The following ADAT2 variants were observed in gnomAD, a reference collection of about 807,000 sequenced individuals.
ADAT2 encodes the protein tRNA-specific adenosine-34 deaminase catalytic subunit ADAT2.
ADAT2 carries 26 observed loss-of-function variants against 25.9 expected under a neutral mutation model. The observed-to-expected ratio is 1.00, with a 90% CI of 0.74 to 1.39. The LOEUF is 1.39. ADAT2 is among the 40% of genes most tolerant of loss of function. The pLI is 0.00. For missense variants in ADAT2, 220 were observed against 244.8 expected, an observed-to-expected ratio of 0.90 and a Z score of 0.68; for synonymous variants, 76 against 86.8, an observed-to-expected ratio of 0.88 and a Z score of 0.69.
At chr6:143,441,822 G>A (rs931252108) in intron 1 of ADAT2, 1 of 152,312 alleles carries the variant, frequency 6.6e-6, no homozygotes, top group East Asian at 1.9e-4. Flanking sequence ...TTAGCCGGTA[G>A]AGAAATGTCA....
intron 3 of ADAT2, among the ~76,000 whole-genome samples, 169 bp downstream of exon 3, chr6:143,433,662 T>C (rs1360370386): frequency 1.3e-5 from 2 of 150,152 alleles, no homozygotes; most frequent in East Asian, 1.9e-4. Context: ...AAGAAATAGG[T>C]CATTTTACTA....
intron 4 of ADAT2, among the ~76,000 whole-genome samples, chr6:143,431,135 C>G (rs1475991894): frequency 1.3e-5 from 2 of 152,180 alleles, no homozygotes; most frequent in Non-Finnish European, 2.9e-5. Context: ...TTAAAAAAAC[C>G]ATAATTTGGC....
At position 143,428,978 on chromosome 6, in the gene ADAT2, T is replaced by A. The variant is rs1779026212; in HGVS notation, c.460-294A>T. Among the ~76,000 whole-genome samples, 2 of 152,194 alleles carry A rather than the reference T, an allele frequency of 1.3e-5. No individual in the cohort carries two copies. Among genetic ancestry groups the A allele is most frequent in the African/African-American group, 4.8e-5 (2 of 41,436 alleles). On this transcript the variant is annotated intron_variant, in intron 4 of 5. Coordinates refer to ENST00000237283, the MANE Select transcript of ADAT2 (RefSeq NM_182503.3). The surrounding 1 kb of genome is among the most constrained non-coding windows in gnomAD (Gnocchi z 5.0). Reference sequence around the variant, plus strand: ...GATCTTGGGTTAGGCACTTAAACTCTCCATGCCTTATTTATACAATGCTGG... The same window carrying A: ...GATCTTGGGTTAGGCACTTAAACTCACCATGCCTTATTTATACAATGCTGG...
At chr6:143,438,117 T>C (rs1488204338) in intron 2 of ADAT2, among the ~76,000 whole-genome samples, 1 of 152,190 alleles carries the variant, frequency 6.6e-6, no homozygotes, top group Non-Finnish European at 1.5e-5. Flanking sequence ...AAGCTATACA[T>C]TGAGGATACT....
chr6:143,432,403 T>C lies in ADAT2; in HGVS notation c.459+102A>G, dbSNP rs1779141349. Reference sequence around the variant, plus strand: ...CTGAGATCAAAGATGTCTGATTCTATCATCGTTTCTTCGTATACTGGCCAC... The same window carrying C: ...CTGAGATCAAAGATGTCTGATTCTACCATCGTTTCTTCGTATACTGGCCAC... On this transcript the variant is annotated intron_variant, in intron 4 of 5. Transcript: ENST00000237283. The surrounding 1 kb of genome is among the most constrained non-coding windows in gnomAD (Gnocchi z 4.4). 2 of 1,053,312 alleles carry C rather than the reference T, an allele frequency of 1.9e-6. No homozygotes were observed. The highest frequency in any genetic ancestry group is 2.0e-5 in the Admixed American group (1 of 50,246). The allele number at this position is 1,053,312 out of a possible 1,614,324, so 65.2% of individuals were successfully genotyped here.
In ADAT2 at chr6:143,444,390, T is replaced by C. The variant is rs1270671142; in HGVS notation, c.97-5696A>G. Among the ~76,000 whole-genome samples the C allele has an allele frequency of 6.8e-6, 1 of 147,224 alleles. No individual in the cohort carries two copies. Among genetic ancestry groups the C allele is most frequent in the African/African-American group, 2.5e-5 (1 of 39,964 alleles). On this transcript the variant is annotated intron_variant, in intron 1 of 5. Transcript: ENST00000237283. The surrounding 1 kb of genome is among the most constrained non-coding windows in gnomAD (Gnocchi z 4.3). ...TAACACAAAGCCCCATGGAAGTGAG[T>C]TGAGGGGAACTCCTTTACAACAATT...
Position 143,437,080 on chromosome 6 carries a change from T to G in ADAT2, c.201+1510A>C, listed in dbSNP as rs953212979. On this transcript the variant is annotated intron_variant, in intron 2 of 5. Transcript: ENST00000237283. The surrounding 1 kb of genome is among the most constrained non-coding windows in gnomAD (Gnocchi z 4.1). ...AAGCAAATTGATAAAAAAGTTTTTT[T>G]GGGGGGCTGACATATTAACTACAGA... Among the ~76,000 whole-genome samples, 15 of 152,198 alleles carry G rather than the reference T, an allele frequency of 9.9e-5. No homozygotes were observed. Among genetic ancestry groups the G allele is most frequent in the African/African-American group, 9.6e-5 (4 of 41,488 alleles).
At chr6:143,447,956 T>C (rs1443729302) in intron 1 of ADAT2, among the ~76,000 whole-genome samples, 1 of 152,194 alleles carries the variant, frequency 6.6e-6, no homozygotes, top group Non-Finnish European at 1.5e-5. Flanking sequence ...AGAATGTTTA[T>C]TGAGGCACTA....
intron 4 of ADAT2, among the ~76,000 whole-genome samples, chr6:143,431,148 T>C (rs1779104306): frequency 1.3e-5 from 2 of 152,240 alleles, no homozygotes; most frequent in Non-Finnish European, 2.9e-5. Flanking sequence ...AATTTGGCAT[T>C]CAGCCTGGAG....
At chr6:143,431,198 C>T (rs1416721007) in intron 4 of ADAT2, among the ~76,000 whole-genome samples, 3 of 152,208 alleles carry the variant, frequency 2.0e-5, no homozygotes, top group Non-Finnish European at 4.4e-5. Context: ...GCAGCTGAGC[C>T]GATGTGGCTA....
Position 143,432,402 on chromosome 6 carries a change from A to G in ADAT2, c.459+103T>C. The stretch of plus-strand genomic sequence containing the variant: ...CCTGAGATCAAAGATGTCTGATTCT[A>G]TCATCGTTTCTTCGTATACTGGCCA... On this transcript the variant is annotated intron_variant, in intron 4 of 5. Coordinates refer to ENST00000237283, the MANE Select transcript of ADAT2 (RefSeq NM_182503.3). The surrounding 1 kb of genome is among the most constrained non-coding windows in gnomAD (Gnocchi z 4.4). 1 of 1,046,712 alleles carries G rather than the reference A, an allele frequency of 9.6e-7. No individual in the cohort carries two copies. The highest frequency in any genetic ancestry group is 1.4e-6 in the Non-Finnish European group (1 of 693,534). The allele number at this position is 1,046,712 out of a possible 1,614,324, so 64.8% of individuals were successfully genotyped here.
rs1258347026 is a variant in ADAT2, at chr6:143,437,632, T to C, written c.201+958A>G. ...GTTCTATTTTATGGCTAAAAATAAA[T>C]AAGTAAATAAATGATTTGTGAATCT... On this transcript the variant is annotated intron_variant, in intron 2 of 5. Coordinates refer to ENST00000237283, the MANE Select transcript of ADAT2 (RefSeq NM_182503.3). This position sits in a 1 kb window ranked among gnomAD's most constrained non-coding sequence, Gnocchi z 4.1. Among the ~76,000 whole-genome samples the C allele has an allele frequency of 6.6e-6, 1 of 152,206 alleles. No homozygotes were observed. Among genetic ancestry groups the C allele is most frequent in the Non-Finnish European group, 1.5e-5 (1 of 68,012 alleles).
At chr6:143,449,147 A>G (rs1779681578) in intron 1 of ADAT2, among the ~76,000 whole-genome samples, 1 of 152,120 alleles carries the variant, frequency 6.6e-6, no homozygotes, top group Non-Finnish European at 1.5e-5. Context: ...CCCAAGGCTC[A>G]AGCAATCCAC....
In ADAT2 at chr6:143,427,777, T is replaced by C. The variant is rs908177746; in HGVS notation, c.*686A>G. ...TTGGTTTTTTGCTCAATAACAATTGTCCCATTTATGTCTTTATCTTTTAAG... is the reference window on the plus strand; with the variant it reads ...TTGGTTTTTTGCTCAATAACAATTGCCCCATTTATGTCTTTATCTTTTAAG... On this transcript the variant is annotated 3_prime_UTR_variant, in exon 6 of 6. Transcript: ENST00000237283. 1 of 152,228 alleles carries C rather than the reference T, an allele frequency of 6.6e-6. No individual in the cohort carries two copies. Among genetic ancestry groups the C allele is most frequent in the African/African-American group, 2.4e-5 (1 of 41,452 alleles). The allele number at this position is 152,228 out of a possible 1,614,324, so 9.4% of individuals were successfully genotyped here.
At chr6:143,431,198 C>A (rs1416721007) in intron 4 of ADAT2, among the ~76,000 whole-genome samples, 1 of 152,208 alleles carries the variant, frequency 6.6e-6, no homozygotes, top group African/African-American at 2.4e-5. Context: ...GCAGCTGAGC[C>A]GATGTGGCTA....
At chr6:143,441,463 T>C (rs1373673303) in intron 1 of ADAT2, 3 of 152,336 alleles carry the variant, frequency 2.0e-5, no homozygotes, top group African/African-American at 4.8e-5. Flanking sequence ...ACAAGAAGTA[T>C]GGTATCAGCA....
At chr6:143,435,157 T>TTAAAAAAAAA (rs59627912) in intron 2 of ADAT2, among the ~76,000 whole-genome samples, 2 of 122,072 alleles carry the variant, frequency 1.6e-5, no homozygotes, top group Non-Finnish European at 3.4e-5. Context: ...GTGGAGAGTT[T>TTAAAAAAAAA]AAAAAAAAAA....
At chr6:143,430,572 T>A (rs546214728) in intron 4 of ADAT2, among the ~76,000 whole-genome samples, 36 of 78,668 alleles carry the variant, frequency 4.6e-4, no homozygotes, top group Non-Finnish European at 8.5e-4. Flanking sequence ...TCATAATAAT[T>A]TTTTTTTTTG....
chr6:143,433,754 A>G (rs1396133778), intron 3 of ADAT2, 77 bp downstream of exon 3: 3 of 1,404,554 alleles, frequency 2.1e-6, no homozygotes, highest in Non-Finnish European at 2.8e-6. Context: ...CATATTTTGG[A>G]AAACAGGCTA....
Sources: gnomAD v4.1 joint callset for allele counts (sites outside exome capture counted in the v4.1 genomes callset) on GRCh38, gnomAD v4.1.1 for gene constraint, Gnocchi (gnomAD v3.1) non-coding constraint, MANE v1.5 for transcripts, NCBI Gene and HGNC (gene_info 2026-07-23, HGNC 2026-07-21) for gene names.